UBE4B: variants seen among roughly 807,000 people sequenced by gnomAD.
The protein encoded by UBE4B is ubiquitination factor E4B.
In UBE4B, 27 loss-of-function variants were observed where a neutral mutation model predicts 148.1. That is an observed-to-expected ratio of 0.18 (90% confidence interval 0.13 to 0.25). The LOEUF is 0.25. Ranked by LOEUF, UBE4B falls within the 10% of genes least tolerant of loss-of-function variation. The pLI is 1.00. For synonymous variants in UBE4B, 596 were observed against 619.3 expected (o/e 0.96, Z 0.56); for missense variants, 1,170 against 1,662.4 (o/e 0.70, Z 5.15).
intron 7 of UBE4B, chr1:10,107,496 C>G (rs922646082): frequency 9.0e-7 from 1 of 1,107,894 alleles, no homozygotes; most frequent in East Asian, 5.9e-5. Flanking sequence ...AGGTGGGCTC[C>G]AGAGTATATT....
intron 17 of UBE4B, among the ~76,000 whole-genome samples, chr1:10,140,790 G>A (rs1336789146): frequency 6.6e-6 from 1 of 152,128 alleles, no homozygotes. Flanking sequence ...TATGCGTATT[G>A]GAAAGAGGAT....
At chr1:10,038,469 C>G (rs1343037067) in intron 1 of UBE4B, among the ~76,000 whole-genome samples, 1 of 152,094 alleles carries the variant, frequency 6.6e-6, no homozygotes, top group East Asian at 1.9e-4. Flanking sequence ...TATAATCAAG[C>G]AGGTACTGTT....
intron 2 of UBE4B, among the ~76,000 whole-genome samples, chr1:10,091,654 G>A (rs954817273): frequency 2.0e-5 from 3 of 151,984 alleles, no homozygotes; most frequent in East Asian, 3.9e-4. Context: ...CACCCAGGCC[G>A]CAGTGCAGTG....
intron 10 of UBE4B, 147 bp from the exon 11 acceptor site, chr1:10,126,647 C>T: frequency 1.5e-6 from 1 of 655,588 alleles, no homozygotes; most frequent in Non-Finnish European, 2.6e-6. Flanking sequence ...AACACTCTGG[C>T]TGAATTCTAG....
At chr1:10,175,674 T>A (rs1195258066) in intron 25 of UBE4B, among the ~76,000 whole-genome samples, 7 of 150,998 alleles carry the variant, frequency 4.6e-5, no homozygotes, top group Admixed American at 2.7e-4. Flanking sequence ...AATAAATAAA[T>A]AAAAAAGAAA....
chr1:10,040,603 ATTTC>A (rs1479092033), intron 1 of UBE4B, among the ~76,000 whole-genome samples: 3 of 144,826 alleles, frequency 2.1e-5, no homozygotes, highest in Admixed American at 6.9e-5. Context: ...TAACATCTCC[ATTTC>A]TTTCTTCTTT....
intron 2 of UBE4B, among the ~76,000 whole-genome samples, chr1:10,075,603 C>T (rs1288937464): frequency 6.6e-6 from 1 of 152,194 alleles, no homozygotes; most frequent in Non-Finnish European, 1.5e-5. Context: ...GCTAAGTAGT[C>T]CTGATTATGT....
At chr1:10,086,252 T>C (rs1644765620) in intron 2 of UBE4B, among the ~76,000 whole-genome samples, 1 of 152,126 alleles carries the variant, frequency 6.6e-6, no homozygotes, top group South Asian at 2.1e-4. Context: ...ATTACAGGCA[T>C]GAGCCACTGC....
intron 1 of UBE4B, among the ~76,000 whole-genome samples, chr1:10,038,383 A>G (rs1261696192): frequency 1.3e-5 from 2 of 152,178 alleles, no homozygotes; most frequent in African/African-American, 4.8e-5. Context: ...GTGGAAGAAA[A>G]TTGACATTAA....
intron 2 of UBE4B, among the ~76,000 whole-genome samples, chr1:10,088,396 T>C (rs1644795540): frequency 6.6e-6 from 1 of 152,172 alleles, no homozygotes; most frequent in Non-Finnish European, 1.5e-5. Context: ...TTTATTTTTT[T>C]TTGAGATGGA....
In UBE4B at chr1:10,086,463, A is replaced by G. The variant is rs74733539; in HGVS notation, c.212-8998A>G. ...AGAGGAAGTGACCTTGGATGTAGAG[A>G]TAAATGAGGTATGGGGGGACTCAAA... On this transcript the variant is annotated intron_variant, in intron 2 of 27. Transcript: ENST00000343090. Among the ~76,000 whole-genome samples the G allele has an allele frequency of 6.1e-3, 931 of 152,258 alleles. 11 individuals carry two copies. The highest frequency in any genetic ancestry group is 0.021 in the African/African-American group (871 of 41,532).
intron 17 of UBE4B, among the ~76,000 whole-genome samples, chr1:10,143,033 A>G (rs1570969637): frequency 6.6e-6 from 1 of 151,576 alleles, no homozygotes; most frequent in East Asian, 2.0e-4. Flanking sequence ...ATTTGAACCC[A>G]GGAGGTAGAG....
Position 10,106,544 on chromosome 1 carries a change from C to A in UBE4B, c.1157C>A (p.Ala386Asp). The A allele has an allele frequency of 4.4e-6, 7 of 1,593,958 alleles. No individual in the cohort carries two copies. Among genetic ancestry groups the A allele is most frequent in the Non-Finnish European group, 6.0e-6 (7 of 1,173,758 alleles). Residue 386 changes from alanine to aspartate, a missense_variant, in exon 7 of 28, where the codon GCC (alanine) becomes GAC (aspartate). By Grantham distance (126) the Ala-to-Asp change is moderately radical. This residue lies in a region of UBE4B where 214 missense variants were observed against 209.1 expected (regional missense o/e 1.02). Transcript: ENST00000343090. The surrounding 1 kb of genome is among the most constrained non-coding windows in gnomAD (Gnocchi z 4.2). ...CCCCTACCACCCGCCTCACCCAGTG[C>A]CACGAGCAGACGCCCCTCCTCCCTG... ...GPPLPPASPS[A>D]TSRRPSSLRI...
chr1:10,068,536 A>T (rs972217777), intron 1 of UBE4B, among the ~76,000 whole-genome samples: 1 of 151,200 alleles, frequency 6.6e-6, no homozygotes, highest in African/African-American at 2.4e-5. Flanking sequence ...TTTTTAGTAG[A>T]GATGGGGTTT....
At chr1:10,139,406 A>G (rs1408300307) in intron 17 of UBE4B, among the ~76,000 whole-genome samples, 3 of 152,110 alleles carry the variant, frequency 2.0e-5, no homozygotes, top group African/African-American at 7.2e-5. Context: ...GAAAAAAAAA[A>G]AGAAAGAACT....
In UBE4B at chr1:10,151,425, G is replaced by C; in HGVS notation, c.2790G>C (p.Leu930Phe). The change falls in exon 21 of 28, where the codon TTG becomes TTC. Residue 930 changes from leucine (L) to phenylalanine (F), a missense_variant. This residue lies in a region of UBE4B where 348 missense variants were observed against 627.2 expected (regional missense o/e 0.55). Transcript: ENST00000343090. ...CNQNYIRNPY[L>F]VAKLVEVMFM... ...AGAACTACATCCGAAACCCATATTT[G>C]GTGGCCAAACTGGTAGAAGTCATGT... 1 of 1,614,006 alleles carries C rather than the reference G, an allele frequency of 6.2e-7. No individual in the cohort carries two copies. Among genetic ancestry groups the C allele is most frequent in the Non-Finnish European group, 8.5e-7 (1 of 1,180,016 alleles).
chr1:10,064,103 C>T (rs1427605143), intron 1 of UBE4B, among the ~76,000 whole-genome samples: 12 of 152,188 alleles, frequency 7.9e-5, no homozygotes, highest in Admixed American at 2.6e-4. Flanking sequence ...TTACCAACTA[C>T]TCAGCGTTCC....
chr1:10,077,895 C>T (rs1323235701), intron 2 of UBE4B, among the ~76,000 whole-genome samples: 1 of 152,178 alleles, frequency 6.6e-6, no homozygotes, highest in African/African-American at 2.4e-5. Context: ...GATATTTCTT[C>T]ATGTTTTACT....
intron 24 of UBE4B, among the ~76,000 whole-genome samples, chr1:10,169,367 T>C (rs768929144): frequency 7.9e-5 from 12 of 152,258 alleles, no homozygotes; most frequent in African/African-American, 1.2e-4. Flanking sequence ...CTCTCTGTTA[T>C]GTGACTCCTG....
Sources: gnomAD v4.1 joint callset for allele counts (sites outside exome capture counted in the v4.1 genomes callset) on GRCh38, gnomAD v4.1.1 for gene constraint, gnomAD v4.1.1 regional missense constraint, Gnocchi (gnomAD v3.1) non-coding constraint, MANE v1.5 for transcripts, NCBI Gene and HGNC (gene_info 2026-07-23, HGNC 2026-07-21) for gene names.